POLE2: variants seen among roughly 807,000 people sequenced by gnomAD.
The protein encoded by POLE2 is DNA polymerase epsilon subunit 2.
POLE2 carries 56 observed loss-of-function variants against 79.4 expected under a neutral mutation model. The ratio of observed to expected loss-of-function variants is 0.71; its 90% confidence interval spans 0.57 to 0.88. POLE2 has a LOEUF of 0.88. POLE2 is among the 40% of genes least tolerant of loss of function. The pLI is 0.00. For missense variants in POLE2, 598 were observed against 638.9 expected (o/e 0.94, Z 0.69); for synonymous variants, 212 against 214.0 (o/e 0.99, Z 0.08).
chr14:49,672,561 G>T (rs1416905607), intron 5 of POLE2, among the ~76,000 whole-genome samples: 3 of 150,228 alleles, frequency 2.0e-5, no homozygotes, highest in Non-Finnish European at 4.4e-5. Flanking sequence ...GTGCAATGGC[G>T]CCATCTTGGC....
chr14:49,674,712 AT>A (rs1566561934), intron 3 of POLE2, among the ~76,000 whole-genome samples: 1 of 152,064 alleles, frequency 6.6e-6, no homozygotes, highest in Non-Finnish European at 1.5e-5. Context: ...GATCACAGGC[AT>A]GCACCACCAC....
rs778108760 is a variant in POLE2 at position 49,664,691 on chromosome 14, GA to G, written c.634-18del. 20 of 1,518,708 alleles carry G rather than the reference GA, an allele frequency of 1.3e-5. No individual in the cohort carries two copies. The highest frequency in any genetic ancestry group is 1.8e-5 in the Non-Finnish European group (20 of 1,094,930). 94.1% of individuals were successfully genotyped at this position (1,518,708 alleles called of 1,614,324 possible). A position where few individuals can be genotyped will look rare whatever the true frequency, so the allele number is the denominator to read the frequency against. ...ATGGAACTGGTACACAACAGTTGAG[GA>G]AAATAATTCTATTCTTGAGGCAGTA... On this transcript the variant is annotated intron_variant, in intron 8 of 18. Coordinates refer to ENST00000216367, the MANE Select transcript of POLE2 (RefSeq NM_002692.4).
At chr14:49,668,730 C>G (rs1198924454) in intron 6 of POLE2, among the ~76,000 whole-genome samples, 1 of 152,108 alleles carries the variant, frequency 6.6e-6, no homozygotes, top group Non-Finnish European at 1.5e-5. Flanking sequence ...ATATAGAAAA[C>G]ATATAGATGA....
intron 15 of POLE2, 119 bp downstream of exon 15, chr14:49,653,871 C>T: frequency 1.6e-6 from 1 of 615,084 alleles, no homozygotes; most frequent in East Asian, 2.9e-5. Flanking sequence ...GGTCTCGGAA[C>T]TCCAAGCAAC....
intron 3 of POLE2, among the ~76,000 whole-genome samples, chr14:49,677,130 A>G (rs1249660493): frequency 6.6e-6 from 1 of 152,200 alleles, no homozygotes; most frequent in Non-Finnish European, 1.5e-5. Flanking sequence ...CCTGAAGCGA[A>G]TCCTGTGTCA....
At chr14:49,658,820 CAAT>C (rs996570100) in intron 10 of POLE2, among the ~76,000 whole-genome samples, 2 of 152,084 alleles carry the variant, frequency 1.3e-5, no homozygotes, top group African/African-American at 4.8e-5. Context: ...CACTTGATAA[CAAT>C]AATAAATGAC....
intron 16 of POLE2, among the ~76,000 whole-genome samples, chr14:49,650,668 C>T (rs1449531790): frequency 2.0e-5 from 3 of 152,100 alleles, no homozygotes; most frequent in Admixed American, 6.5e-5. Context: ...ATAACATATA[C>T]ATCATTATGC....
intron 8 of POLE2, 98 bp downstream of exon 8, chr14:49,665,009 A>ATG (rs1950340821): frequency 1.4e-6 from 1 of 690,736 alleles, no homozygotes; most frequent in African/African-American, 1.8e-5. Flanking sequence ...GAGAAGTTAC[A>ATG]TTGAGAACCC....
At chr14:49,686,353 C>G (rs1172007476) in intron 1 of POLE2, among the ~76,000 whole-genome samples, 1 of 152,190 alleles carries the variant, frequency 6.6e-6, no homozygotes, top group East Asian at 1.9e-4. Context: ...CTTGATGAAG[C>G]CATGTTGGGG....
At chr14:49,680,176 C>A (rs1886598782) in intron 2 of POLE2, among the ~76,000 whole-genome samples, 1 of 152,042 alleles carries the variant, frequency 6.6e-6, no homozygotes. Context: ...GTGGTGAAAC[C>A]CCTTCTCTAC....
chr14:49,667,928 C>T (rs1885601506), intron 6 of POLE2, among the ~76,000 whole-genome samples: 1 of 152,108 alleles, frequency 6.6e-6, no homozygotes, highest in Non-Finnish European at 1.5e-5. Flanking sequence ...ATAATCCCAT[C>T]ATTCCATAAT....
intron 5 of POLE2, among the ~76,000 whole-genome samples, chr14:49,673,560 G>A (rs1886043147): frequency 6.6e-6 from 1 of 152,068 alleles, no homozygotes; most frequent in South Asian, 2.1e-4. Context: ...AGCCTTTCCT[G>A]ATTTTTCTAT....
intron 18 of POLE2, among the ~76,000 whole-genome samples, chr14:49,645,023 C>A (rs1330362756): frequency 7.6e-6 from 1 of 131,084 alleles, no homozygotes; most frequent in African/African-American, 2.9e-5. Flanking sequence ...GCCTGGGCAA[C>A]AGAGCAAAAC....
At chr14:49,658,229 A>C (rs2139633296) in intron 10 of POLE2, among the ~76,000 whole-genome samples, 1 of 152,212 alleles carries the variant, frequency 6.6e-6, no homozygotes, top group African/African-American at 2.4e-5. Flanking sequence ...GGCACCTGCC[A>C]CCACGCCCGG....
intron 18 of POLE2, chr14:49,647,031 G>T: frequency 3.4e-6 from 1 of 295,056 alleles, no homozygotes; most frequent in Non-Finnish European, 6.2e-6. Flanking sequence ...GAGTTGGCCT[G>T]TAAGAGAACT....
At position 49,675,832 on chromosome 14, in the gene POLE2, C is replaced by A. The variant is rs1037842461; in HGVS notation, c.246-1405G>T. Among the ~76,000 whole-genome samples, 2 of 152,178 alleles carry A rather than the reference C, an allele frequency of 1.3e-5. 1 individual carries two copies. Among genetic ancestry groups the A allele is most frequent in the African/African-American group, 4.8e-5 (2 of 41,456 alleles). On this transcript the variant is annotated intron_variant, in intron 3 of 18. Coordinates refer to ENST00000216367, the MANE Select transcript of POLE2 (RefSeq NM_002692.4). ...GCAGTGGCACGATCTCAGCTCACTG[C>A]AACCTCTGCCTCCTGGGTTCAAGTG...
intron 4 of POLE2, 64 bp downstream of exon 4, chr14:49,674,286 C>T: frequency 6.9e-7 from 1 of 1,440,006 alleles, no homozygotes; most frequent in Non-Finnish European, 9.8e-7. Flanking sequence ...AAGCAAGAGA[C>T]TATACCTTCT....
intron 15 of POLE2, among the ~76,000 whole-genome samples, chr14:49,652,867 G>A (rs1003500938): frequency 3.9e-5 from 6 of 152,052 alleles, no homozygotes; most frequent in Admixed American, 6.6e-5. Flanking sequence ...CCCCCCTGGC[G>A]TCTGTCTCCC....
chr14:49,674,404 C>G lies in POLE2; in HGVS notation c.269G>C (p.Gly90Ala). ...ETIEHVFNII[G>A]AFDIPRFVYN... ...CACAAAGCGTGGAATATCAAATGCT[C>G]CTATGATATTGAAAACGTGCTCTCT... Residue 90 changes from glycine (G) to alanine (A), a missense_variant, in exon 4 of 19, where the codon GGA becomes GCA. Coordinates refer to ENST00000216367, the MANE Select transcript of POLE2 (RefSeq NM_002692.4). 6.2e-7 allele frequency: 1 copy of G among 1,610,470 alleles called. No homozygotes were observed. Among genetic ancestry groups the G allele is most frequent in the African/African-American group, 1.3e-5 (1 of 74,924 alleles).
Sources: gnomAD v4.1 joint callset for allele counts (sites outside exome capture counted in the v4.1 genomes callset) on GRCh38, gnomAD v4.1.1 for gene constraint, MANE v1.5 for transcripts, NCBI Gene and HGNC (gene_info 2026-07-23, HGNC 2026-07-21) for gene names.